LRBA: variants seen among roughly 807,000 people sequenced by gnomAD.
LRBA encodes lipopolysaccharide-responsive and beige-like anchor protein.
Under a neutral mutation model 330.0 loss-of-function variants are expected in LRBA, and 176 were observed. That is an observed-to-expected ratio of 0.53 (90% confidence interval 0.47 to 0.60). The LOEUF is 0.60. Among genes scored for constraint, LRBA ranks in the 20% least tolerant of loss-of-function variants. LRBA has a pLI of 0.00. For synonymous variants in LRBA, 1,230 were observed against 1,193.0 expected (o/e 1.03, Z -0.64); for missense variants, 3,259 against 3,444.8 (o/e 0.95, Z 1.35).
chr4:150,703,624 A>T (rs1785324270), intron 36 of LRBA, among the ~76,000 whole-genome samples: 2 of 152,190 alleles, frequency 1.3e-5, no homozygotes, highest in Non-Finnish European at 2.9e-5. Context: ...GAAGAATATA[A>T]TCCAGAAATT....
chr4:150,429,683 C>T (rs1015597873), intron 46 of LRBA, among the ~76,000 whole-genome samples: 1 of 151,990 alleles, frequency 6.6e-6, no homozygotes, highest in Admixed American at 6.6e-5. Flanking sequence ...CTCCTGCATC[C>T]CTTAAGATAC....
intron 28 of LRBA, chr4:150,840,941 A>C (rs1217748116): frequency 4.4e-6 from 5 of 1,138,116 alleles, no homozygotes; most frequent in Non-Finnish European, 5.6e-6. Flanking sequence ...GAAAAATAGA[A>C]GATAGGCTCA....
chr4:150,655,628 T>C (rs1230118135), intron 37 of LRBA, among the ~76,000 whole-genome samples: 8 of 152,234 alleles, frequency 5.3e-5, no homozygotes, highest in Non-Finnish European at 2.9e-5. Context: ...AACTGACACT[T>C]GGCAAACCAA....
chr4:150,864,909 T>C (rs940525842), intron 22 of LRBA, among the ~76,000 whole-genome samples: 10 of 152,106 alleles, frequency 6.6e-5, no homozygotes, highest in African/African-American at 2.4e-4. Flanking sequence ...AGCCTGTGAT[T>C]ACATGCATGT....
intron 47 of LRBA, among the ~76,000 whole-genome samples, chr4:150,394,781 T>C (rs138922226): frequency 0.011 from 1,665 of 152,332 alleles, 10 homozygotes; most frequent in Non-Finnish European, 0.016. Flanking sequence ...ATTTTTGTGA[T>C]AATATACTAT....
intron 47 of LRBA, among the ~76,000 whole-genome samples, chr4:150,364,555 C>T (rs1739168661): frequency 6.6e-6 from 1 of 152,130 alleles, no homozygotes; most frequent in Non-Finnish European, 1.5e-5. Context: ...CACTACATAA[C>T]ATGGATTACT....
intron 49 of LRBA, among the ~76,000 whole-genome samples, chr4:150,325,425 T>G (rs2126943686): frequency 6.6e-6 from 1 of 152,244 alleles, no homozygotes; most frequent in Middle Eastern, 3.4e-3. Flanking sequence ...ATTCCCAAAC[T>G]GAAAAATATA....
chr4:150,961,241 C>A (rs1329092015), intron 2 of LRBA, among the ~76,000 whole-genome samples: 7 of 149,262 alleles, frequency 4.7e-5, no homozygotes, highest in African/African-American at 1.8e-4. Flanking sequence ...CAGCCATATT[C>A]ACAAATGCAT....
chr4:150,699,041 A>C (rs1267612442), intron 36 of LRBA, among the ~76,000 whole-genome samples: 1 of 152,200 alleles, frequency 6.6e-6, no homozygotes, highest in Non-Finnish European at 1.5e-5. Flanking sequence ...AGTTTCCTTA[A>C]AAAAATTTGA....
intron 40 of LRBA, among the ~76,000 whole-genome samples, chr4:150,518,216 C>G (rs1193677405): frequency 6.6e-6 from 1 of 152,142 alleles, no homozygotes; most frequent in Non-Finnish European, 1.5e-5. Flanking sequence ...AACTGTGTTA[C>G]CACATTAGTG....
Position 150,265,763 on chromosome 4 carries a change from C to T in LRBA, c.8518G>A (p.Asp2840Asn), listed in dbSNP as rs750093540. 2.2e-5 allele frequency: 36 copies of T among 1,613,578 alleles called. No individual in the cohort carries two copies. Among genetic ancestry groups the T allele is most frequent in the Non-Finnish European group, 2.3e-5 (27 of 1,179,734 alleles). Reference protein sequence around the residue: ...ASGSIVLFYNDFNRWHHEYQT... With the variant: ...ASGSIVLFYNNFNRWHHEYQT... ...TATTCATGATGCCACCGGTTAAAGT[C>T]GTTGTAAAATAGCACAATGCTTCCT... Residue 2840 changes from aspartate to asparagine, a missense_variant, in exon 57 of 57, where the codon GAC (aspartate) becomes AAC (asparagine). Coordinates refer to ENST00000651943, the MANE Select transcript of LRBA (RefSeq NM_001364905.1).
chr4:150,268,453 C>T (rs541705103), intron 56 of LRBA, among the ~76,000 whole-genome samples: 1 of 152,184 alleles, frequency 6.6e-6, no homozygotes, highest in Non-Finnish European at 1.5e-5. Context: ...TACCATGACA[C>T]CAAAGCCAGT....
At chr4:150,350,928 C>T (rs956762486) in intron 47 of LRBA, among the ~76,000 whole-genome samples, 3 of 152,122 alleles carry the variant, frequency 2.0e-5, no homozygotes, top group African/African-American at 7.2e-5. Flanking sequence ...ACATGTTTAA[C>T]CAAATTATTT....
rs373018962 is a variant in LRBA, at chr4:150,915,579, T to C, written c.1014+29A>G. On this transcript the variant is annotated intron_variant, in intron 8 of 56. Coordinates refer to ENST00000651943, the MANE Select transcript of LRBA (RefSeq NM_001364905.1). ...AAGCTCATGCTTTTAAAATCACTTTTTTCATTGCAACATTTTGAAACTACT... is the reference window on the plus strand; with the variant it reads ...AAGCTCATGCTTTTAAAATCACTTTCTTCATTGCAACATTTTGAAACTACT... 9.5e-6 allele frequency: 15 copies of C among 1,585,502 alleles called. No homozygotes were observed. In the African/African-American group the frequency reaches 2.0e-4, roughly 22 times the overall value.
chr4:150,375,390 T>C (rs1741111966), intron 47 of LRBA, among the ~76,000 whole-genome samples: 1 of 152,182 alleles, frequency 6.6e-6, no homozygotes, highest in Admixed American at 6.5e-5. Flanking sequence ...TACATCAGGA[T>C]TGGCTACTTT....
chr4:150,636,780 T>C (rs1370489641), intron 37 of LRBA, among the ~76,000 whole-genome samples: 3 of 152,190 alleles, frequency 2.0e-5, no homozygotes, highest in Admixed American at 2.0e-4. Flanking sequence ...CCCAAGTAAT[T>C]GGCACCACAG....
chr4:150,714,477 A>C (rs1786544650), intron 36 of LRBA, among the ~76,000 whole-genome samples: 1 of 152,170 alleles, frequency 6.6e-6, no homozygotes, highest in African/African-American at 2.4e-5. Flanking sequence ...GTAGCAAACA[A>C]ATCATAACTG....
chr4:150,979,497 A>G (rs1740596011), intron 2 of LRBA, among the ~76,000 whole-genome samples: 1 of 152,226 alleles, frequency 6.6e-6, no homozygotes. Context: ...GAAAAACACA[A>G]TAACACCATA....
chr4:150,432,249 A>G (rs1750487619), intron 46 of LRBA, among the ~76,000 whole-genome samples: 1 of 152,110 alleles, frequency 6.6e-6, no homozygotes, highest in East Asian at 1.9e-4. Context: ...GATCTACTCA[A>G]TAAAATGATT....
Sources: allele counts gnomAD v4.1 joint callset (sites outside exome capture counted in the v4.1 genomes callset), GRCh38; gene constraint gnomAD v4.1.1; transcripts MANE v1.5; gene names NCBI Gene and HGNC (gene_info 2026-07-23, HGNC 2026-07-21).